The following COMMD10 variants were observed in gnomAD, a reference collection of about 807,000 sequenced individuals.
The protein encoded by COMMD10 is COMM domain containing 10.
Under a neutral mutation model 28.9 loss-of-function variants are expected in COMMD10, and 33 were observed. The ratio of observed to expected loss-of-function variants is 1.14; its 90% confidence interval spans 0.87 to 1.53. The LOEUF is 1.53. COMMD10 is among the 40% of genes most tolerant of loss of function. The probability of loss-of-function intolerance (pLI) is 0.00; values close to 1 mark genes in which losing one functional copy is unlikely to be tolerated. For missense variants in COMMD10, 310 were observed against 233.4 expected, an observed-to-expected ratio of 1.33 and a Z score of -2.14; for synonymous variants, 110 against 81.7, an observed-to-expected ratio of 1.35 and a Z score of -1.87.
intron 5 of COMMD10, among the ~76,000 whole-genome samples, chr5:116,162,402 TA>T (rs1324959648): frequency 6.6e-6 from 1 of 152,186 alleles, no homozygotes; most frequent in African/African-American, 2.4e-5. Context: ...ATGAGTACAA[TA>T]ATTTATAGAT....
intron 5 of COMMD10, among the ~76,000 whole-genome samples, chr5:116,162,876 T>C (rs1456152883): frequency 7.5e-5 from 2 of 26,620 alleles, no homozygotes; most frequent in African/African-American, 4.9e-4. Context: ...AACACCTTTT[T>C]AAAAAATTAT....
Position 116,291,509 on chromosome 5 carries a change from C to T in COMMD10, c.511-8C>T, listed in dbSNP as rs374019550. On this transcript the variant is annotated splice_polypyrimidine_tract_variant and splice_region_variant and intron_variant, in intron 5 of 6. Coordinates refer to ENST00000274458, the MANE Select transcript of COMMD10 (RefSeq NM_016144.4). ...CTACATTCTTTTTGTTGTTTTTCTTCCTTACAGAGCCTGGAGAAAGTTCTT... is the reference window on the plus strand; with the variant it reads ...CTACATTCTTTTTGTTGTTTTTCTTTCTTACAGAGCCTGGAGAAAGTTCTT... The T allele has an allele frequency of 7.7e-5, 123 of 1,591,440 alleles. No homozygotes were observed. The African/African-American group carries it at 1.4e-3, about 18-fold the overall frequency.
chr5:116,112,547 C>T (rs116802236), intron 4 of COMMD10, among the ~76,000 whole-genome samples: 19 of 152,146 alleles, frequency 1.2e-4, no homozygotes, highest in African/African-American at 2.2e-4. Flanking sequence ...TATATAGGTG[C>T]GCGCCACCAT....
At chr5:116,191,393 G>A (rs929561008) in intron 5 of COMMD10, among the ~76,000 whole-genome samples, 4 of 151,846 alleles carry the variant, frequency 2.6e-5, no homozygotes, top group Non-Finnish European at 5.9e-5. Context: ...GGATAGCCTG[G>A]GGCAAGTTTT....
intron 5 of COMMD10, among the ~76,000 whole-genome samples, chr5:116,152,995 A>AGTAACTG (rs1752586105): frequency 2.0e-5 from 3 of 152,166 alleles, no homozygotes; most frequent in Admixed American, 6.6e-5. Flanking sequence ...CCACTCAGGT[A>AGTAACTG]TTTTAGATTG....
chr5:116,192,418 A>T (rs1030564509), intron 5 of COMMD10, among the ~76,000 whole-genome samples: 1 of 152,148 alleles, frequency 6.6e-6, no homozygotes, highest in Non-Finnish European at 1.5e-5. Flanking sequence ...AATCCAAAAA[A>T]CAATACAAGA....
intron 4 of COMMD10, among the ~76,000 whole-genome samples, chr5:116,128,028 C>T (rs112940875): frequency 0.012 from 1,888 of 152,120 alleles, 34 homozygotes; most frequent in African/African-American, 0.044. Flanking sequence ...TGTCAGTTCG[C>T]AGCATAAAAA....
rs77186503 is a variant in COMMD10 at position 116,248,436 on chromosome 5, A to T, written c.511-43081A>T. 8.0e-3 allele frequency among the ~76,000 whole-genome samples: 1,222 copies of T among 152,146 alleles called. 21 individuals carry two copies. The highest frequency in any genetic ancestry group is 0.028 in the African/African-American group (1,146 of 41,540). ...AGAAAAAGAATTAAGGTTATTTACA[A>T]CAAAGACTCCGGAAAGGTAAAGGAA... On this transcript the variant is annotated intron_variant, in intron 5 of 6. Transcript: ENST00000274458.
intron 5 of COMMD10, 68 bp from the exon 6 acceptor site, chr5:116,291,449 C>T (rs925056921): frequency 1.1e-5 from 12 of 1,093,648 alleles, no homozygotes; most frequent in Non-Finnish European, 1.7e-5. Context: ...CTGAGGTTAG[C>T]TGGAGAGAAA....
chr5:116,098,417 C>T (rs1322358877), intron 4 of COMMD10, among the ~76,000 whole-genome samples: 1 of 152,050 alleles, frequency 6.6e-6, no homozygotes, highest in Non-Finnish European at 1.5e-5. Context: ...CCTCTGTATC[C>T]CTGGATTTCG....
At chr5:116,185,633 A>T (rs1748111816) in intron 5 of COMMD10, among the ~76,000 whole-genome samples, 1 of 152,148 alleles carries the variant, frequency 6.6e-6, no homozygotes, top group African/African-American at 2.4e-5. Flanking sequence ...CAAAAGGACA[A>T]GGGTCCTATG....
chr5:116,195,393 G>A (rs1417643322), intron 5 of COMMD10, among the ~76,000 whole-genome samples: 1 of 152,000 alleles, frequency 6.6e-6, no homozygotes, highest in East Asian at 1.9e-4. Context: ...CAATATGATC[G>A]TTTACCTTGA....
At chr5:116,122,330 C>T (rs1405016904) in intron 4 of COMMD10, among the ~76,000 whole-genome samples, 2 of 152,194 alleles carry the variant, frequency 1.3e-5, no homozygotes, top group Admixed American at 6.5e-5. Context: ...TGTTCTGTTC[C>T]ATTGGTCTGT....
intron 5 of COMMD10, among the ~76,000 whole-genome samples, chr5:116,181,679 T>C (rs72804869): frequency 0.054 from 8,225 of 152,058 alleles, 313 homozygotes; most frequent in East Asian, 0.15. Context: ...TTGAGAATCA[T>C]TGTTATAAAT....
chr5:116,219,217 C>T (rs1749180069), intron 5 of COMMD10, among the ~76,000 whole-genome samples: 1 of 123,650 alleles, frequency 8.1e-6, no homozygotes, highest in Non-Finnish European at 1.9e-5. Context: ...TTGTTGGTGG[C>T]TGTTGTTTAA....
chr5:116,290,270 C>G (rs1751329774), intron 5 of COMMD10, among the ~76,000 whole-genome samples: 1 of 151,708 alleles, frequency 6.6e-6, no homozygotes, highest in Admixed American at 6.6e-5. Flanking sequence ...TGTGTGACAG[C>G]CAATGAATTT....
At position 116,293,034 on chromosome 5, in the gene COMMD10, C is replaced by T. The variant is rs902821528; in HGVS notation, c.*545C>T. On this transcript the variant is annotated 3_prime_UTR_variant, in exon 7 of 7. Transcript: ENST00000274458. ...TGAGTAGTATGGTATCAGTTAATTC[C>T]AGTCTGAGCTTCTCTGTCAACTTCA... 2.5e-6 allele frequency: 1 copy of T among 397,126 alleles called. No homozygotes were observed. Among genetic ancestry groups the T allele is most frequent in the Non-Finnish European group, 4.4e-6 (1 of 225,240 alleles). The allele number at this position is 397,126 out of a possible 1,614,324, so 24.6% of individuals were successfully genotyped here. A position where few individuals can be genotyped will look rare whatever the true frequency, so the allele number is the denominator to read the frequency against.
intron 4 of COMMD10, among the ~76,000 whole-genome samples, chr5:116,104,688 C>T (rs1004261439): frequency 4.0e-5 from 6 of 151,394 alleles, no homozygotes; most frequent in African/African-American, 9.7e-5. Context: ...GGCACGATGT[C>T]GGCTCACTGT....
chr5:116,101,700 A>G (rs1193672257), intron 4 of COMMD10, among the ~76,000 whole-genome samples: 1 of 152,192 alleles, frequency 6.6e-6, no homozygotes, highest in Non-Finnish European at 1.5e-5. Context: ...GTGGGCTTAC[A>G]GGCGTGAGCC....
Sources: allele counts gnomAD v4.1 joint callset (sites outside exome capture counted in the v4.1 genomes callset), GRCh38; gene constraint gnomAD v4.1.1; transcripts MANE v1.5; gene names NCBI Gene and HGNC (gene_info 2026-07-23, HGNC 2026-07-21).